The following TUBB4A variants were observed in gnomAD, a reference collection of about 807,000 sequenced individuals.
The protein encoded by TUBB4A is tubulin beta 4A class IVa, also known as tubulin beta-4A chain.
A neutral mutation model predicts 35.1 loss-of-function variants in TUBB4A; 13 were observed. The ratio of observed to expected loss-of-function variants is 0.37; its 90% CI spans 0.24 to 0.59. The LOEUF (loss-of-function observed/expected upper bound fraction) is 0.59. Among genes scored for constraint, TUBB4A ranks in the 20% least tolerant of loss-of-function variants. The pLI, the probability that TUBB4A is intolerant of heterozygous loss-of-function variation, is 0.71. For synonymous variants in TUBB4A, 279 were observed against 272.4 expected (o/e 1.02, Z -0.24); for missense variants, 299 against 647.2 (o/e 0.46, Z 5.84).
Position 6,501,230 on chromosome 19 carries a change from G to C in TUBB4A, c.277+57C>G. ...CCCCGGTGGTGGCTGTTGACTCTGT[G>C]GTGTTAGCAGGAATAAGGAGGTTTT... On this transcript the variant is annotated intron_variant, in intron 3 of 3. Transcript: ENST00000264071. This position sits in a 1 kb window ranked among gnomAD's most constrained non-coding sequence, Gnocchi z 4.2. The C allele has an allele frequency of 6.9e-7, 1 of 1,444,712 alleles. No homozygotes were observed. Among genetic ancestry groups the C allele is most frequent in the Admixed American group, 1.8e-5 (1 of 55,514 alleles). The allele number at this position is 1,444,712 out of a possible 1,614,324, so 89.5% of individuals were successfully genotyped here.
In TUBB4A at chr19:6,501,006, T is replaced by G. The variant is rs188638513; in HGVS notation, c.277+281A>C. On this transcript the variant is annotated intron_variant, in intron 3 of 3. Coordinates refer to ENST00000264071, the MANE Select transcript of TUBB4A (RefSeq NM_006087.4). This position sits in a 1 kb window ranked among gnomAD's most constrained non-coding sequence, Gnocchi z 4.2. Reference sequence around the variant, plus strand: ...TGTTGAATGCATGAAGTGGCAGAATTGGGATGTGCACCCAGGCAGTCTGGT... The same window carrying G: ...TGTTGAATGCATGAAGTGGCAGAATGGGGATGTGCACCCAGGCAGTCTGGT... 1.9e-5 allele frequency: 8 copies of G among 422,406 alleles called. No individual in the cohort carries two copies. The highest frequency in any genetic ancestry group is 1.6e-4 in the Admixed American group (4 of 25,082). The allele number at this position is 422,406 out of a possible 1,614,324, so 26.2% of individuals were successfully genotyped here. A position where few individuals can be genotyped will look rare whatever the true frequency, so the allele number is the denominator to read the frequency against.
intron 3 of TUBB4A, among the ~76,000 whole-genome samples, chr19:6,499,568 C>G (rs1392015784): frequency 3.3e-5 from 5 of 152,292 alleles, no homozygotes; most frequent in South Asian, 4.1e-4. Context: ...GCCAGGAAAG[C>G]TTTCCCGGAA....
rs1800719 is a variant in TUBB4A at position 6,494,529 on chromosome 19, G to C, written c.*635C>G. 6.5e-6 allele frequency: 1 copy of C among 154,766 alleles called. No homozygotes were observed. Among genetic ancestry groups the C allele is most frequent in the African/African-American group, 2.5e-5 (1 of 40,134 alleles). 9.6% of individuals were successfully genotyped at this position (154,766 alleles called of 1,614,324 possible). ...GGGGTCAGAGGTAGGAGCTGACGCTGTGGGGGGTGGGGGGTGAAAGGTGAG... is the reference window on the plus strand; with the variant it reads ...GGGGTCAGAGGTAGGAGCTGACGCTCTGGGGGGTGGGGGGTGAAAGGTGAG... On this transcript the variant is annotated 3_prime_UTR_variant, in exon 4 of 4. Transcript: ENST00000264071.
chr19:6,495,758 G>T lies in TUBB4A; in HGVS notation c.741C>A (p.Asn247Lys). 1 of 1,614,184 alleles carries T rather than the reference G, an allele frequency of 6.2e-7. No homozygotes were observed. Among genetic ancestry groups the T allele is most frequent in the Non-Finnish European group, 8.5e-7 (1 of 1,180,024 alleles). ...TTCLRFPGQL[N>K]ADLRKLAVNM... Reference sequence around the variant, plus strand: ...TGACGGCCAGCTTGCGCAGGTCGGCGTTCAGCTGGCCCGGGAAGCGCAGGC... The same window carrying T: ...TGACGGCCAGCTTGCGCAGGTCGGCTTTCAGCTGGCCCGGGAAGCGCAGGC... Residue 247 changes from asparagine (N) to lysine (K), a missense_variant, in exon 4 of 4, where the codon AAC becomes AAA. Physicochemically the swap from Asn to Lys is moderately conservative, Grantham distance 94. Transcript: ENST00000264071. This position sits in a 1 kb window ranked among gnomAD's most constrained non-coding sequence, Gnocchi z 8.7.
chr19:6,502,411 G>A (rs1041678695), upstream of TUBB4A: 1 of 585,086 alleles, frequency 1.7e-6, no homozygotes, highest in Admixed American at 4.2e-5. Flanking sequence ...GGATGATGGA[G>A]GGGGCTGGGG....
intron 1 of TUBB4A, 23 bp downstream of exon 1, chr19:6,502,133 C>T (rs1412436539): frequency 6.4e-7 from 1 of 1,552,500 alleles, no homozygotes; most frequent in Non-Finnish European, 8.6e-7. Flanking sequence ...CCACTGCCTC[C>T]CCGGGCCCCG....
intron 3 of TUBB4A, among the ~76,000 whole-genome samples, chr19:6,498,527 C>T (rs551057234): frequency 1.1e-4 from 16 of 152,332 alleles, no homozygotes; most frequent in Admixed American, 3.9e-4. Flanking sequence ...AAGGCCCTGC[C>T]GGACCTGCCC....
rs2064257778 is a variant in TUBB4A at position 6,501,770 on chromosome 19, G to C, written c.58-147C>G. The C allele has an allele frequency of 1.5e-6, 1 of 663,728 alleles. No homozygotes were observed. Among genetic ancestry groups the C allele is most frequent in the African/African-American group, 1.8e-5 (1 of 55,224 alleles). 41.1% of individuals were successfully genotyped at this position (663,728 alleles called of 1,614,324 possible). On this transcript the variant is annotated intron_variant, in intron 1 of 3. Coordinates refer to ENST00000264071, the MANE Select transcript of TUBB4A (RefSeq NM_006087.4). The surrounding 1 kb of genome is among the most constrained non-coding windows in gnomAD (Gnocchi z 4.2). ...ACCTAGAGGCATGGTGTCGGGGCGA[G>C]GATGAGGCAGCAAGAAGGAGCGGTG...
chr19:6,494,937 G>A lies in TUBB4A; in HGVS notation c.*227C>T. 1.6e-6 allele frequency: 1 copy of A among 610,590 alleles called. No homozygotes were observed. 37.8% of individuals were successfully genotyped at this position (610,590 alleles called of 1,614,324 possible). Reference sequence around the variant, plus strand: ...GTGAAGCGGGGCTCCTCCTGGGAATGTCAAGGTTGGAAGAGCTCAAGGGGG... The same window carrying A: ...GTGAAGCGGGGCTCCTCCTGGGAATATCAAGGTTGGAAGAGCTCAAGGGGG... On this transcript the variant is annotated 3_prime_UTR_variant, in exon 4 of 4. Transcript: ENST00000264071.
At chr19:6,500,456 GA>G (rs1322126351) in intron 3 of TUBB4A, among the ~76,000 whole-genome samples, 2 of 152,142 alleles carry the variant, frequency 1.3e-5, no homozygotes, top group Non-Finnish European at 2.9e-5. Context: ...TAAAGACGAG[GA>G]GGCCGGGCAA....
At position 6,501,998 on chromosome 19, in the gene TUBB4A, C is replaced by T. The variant is rs1405892337; in HGVS notation, c.57+158G>A. 6.6e-6 allele frequency among the ~76,000 whole-genome samples: 1 copy of T among 152,170 alleles called. No homozygotes were observed. Among genetic ancestry groups the T allele is most frequent in the African/African-American group, 2.4e-5 (1 of 41,444 alleles). ...GTTCCCAGTCTGGCCCTGCCACCCC[C>T]ACCCCGCGACCCTTCCCCCAAGGCC... On this transcript the variant is annotated intron_variant, in intron 1 of 3. Transcript: ENST00000264071. This position sits in a 1 kb window ranked among gnomAD's most constrained non-coding sequence, Gnocchi z 4.2.
intron 3 of TUBB4A, among the ~76,000 whole-genome samples, chr19:6,498,735 C>T (rs1914392461): frequency 6.6e-6 from 1 of 152,220 alleles, no homozygotes; most frequent in African/African-American, 2.4e-5. Context: ...GTCACCCCCT[C>T]CCTCCTCCTC....
intron 3 of TUBB4A, among the ~76,000 whole-genome samples, chr19:6,500,101 A>G (rs553409519): frequency 3.3e-5 from 5 of 151,808 alleles, no homozygotes; most frequent in Admixed American, 3.3e-4. Context: ...TGAGCCTCAC[A>G]ATTCTAATAG....
At chr19:6,496,632 A>AAATAATAATAAT (rs143972720) in intron 3 of TUBB4A, among the ~76,000 whole-genome samples, 91 of 143,448 alleles carry the variant, frequency 6.3e-4, no homozygotes, top group East Asian at 3.1e-3. Context: ...CTCCGTCTCA[A>AAATAATAATAAT]AATAATAATA....
At chr19:6,497,622 C>G (rs1360404589) in intron 3 of TUBB4A, among the ~76,000 whole-genome samples, 1 of 151,798 alleles carries the variant, frequency 6.6e-6, no homozygotes, top group East Asian at 1.9e-4. Context: ...AATGCAAGCT[C>G]CCGGAGGAAA....
chr19:6,495,917 C>T lies in TUBB4A; in HGVS notation c.582G>A (p.Glu194=), dbSNP rs776475401. 2.5e-6 allele frequency: 4 copies of T among 1,614,122 alleles called. No homozygotes were observed. Among genetic ancestry groups the T allele is most frequent in the African/African-American group, 1.3e-5 (1 of 74,936 alleles). ...NATLSVHQLV[E]NTDETYCIDN... is the part of the protein sequence containing the mutation. ...CGATGCAGTAGGTCTCATCCGTATT[C>T]TCCACCAGCTGGTGCACAGACAGCG... Residue 194 remains glutamate (E), a synonymous_variant, in exon 4 of 4, where the codon GAG becomes GAA. Coordinates refer to ENST00000264071, the MANE Select transcript of TUBB4A (RefSeq NM_006087.4). This position sits in a 1 kb window ranked among gnomAD's most constrained non-coding sequence, Gnocchi z 8.7.
Position 6,495,541 on chromosome 19 carries a change from G to A in TUBB4A, c.958C>T (p.Arg320Cys), listed in dbSNP as rs1914108021. The A allele has an allele frequency of 3.1e-6, 5 of 1,614,142 alleles. No homozygotes were observed. Among genetic ancestry groups the A allele is most frequent in the Admixed American group, 1.7e-5 (1 of 60,018 alleles). ...TCGTCCACCTCCTTCATGGACATGC[G>A]GCCCCGGAACACGGCGGCCACGGTC... ...YLTVAAVFRG[R>C]MSMKEVDEQM... The change falls in exon 4 of 4, where the codon CGC becomes TGC. Residue 320 changes from arginine (R) to cysteine (C), a missense_variant. Physicochemically the swap from Arg to Cys is radical, Grantham distance 180. This residue lies in a region of TUBB4A where 125 missense variants were observed against 279.1 expected (regional missense o/e 0.45). Transcript: ENST00000264071. This position sits in a 1 kb window ranked among gnomAD's most constrained non-coding sequence, Gnocchi z 8.7.
At chr19:6,502,121 C>T (rs746207976) in intron 1 of TUBB4A, 35 bp downstream of exon 1, 11 of 1,536,496 alleles carry the variant, frequency 7.2e-6, no homozygotes, top group African/African-American at 2.8e-5. Flanking sequence ...TCCCCGGGGC[C>T]GCCACTGCCT....
rs957223988 is a variant in TUBB4A at position 6,501,170 on chromosome 19, C to T, written c.277+117G>A. The T allele has an allele frequency of 7.9e-5, 62 of 782,192 alleles. No individual in the cohort carries two copies. Among genetic ancestry groups the T allele is most frequent in the Non-Finnish European group, 2.1e-6 (1 of 486,610 alleles). 48.5% of individuals were successfully genotyped at this position (782,192 alleles called of 1,614,324 possible). A position where few individuals can be genotyped will look rare whatever the true frequency, so the allele number is the denominator to read the frequency against. ...ACAGCCCTGGATGCAGGGCTGGTGC[C>T]TGGTGCCCTGTCCACCCCATCTCTG... On this transcript the variant is annotated intron_variant, in intron 3 of 3. Transcript: ENST00000264071. This position sits in a 1 kb window ranked among gnomAD's most constrained non-coding sequence, Gnocchi z 4.2.
Sources: allele counts gnomAD v4.1 joint callset (sites outside exome capture counted in the v4.1 genomes callset), GRCh38; gene constraint gnomAD v4.1.1; regional missense constraint gnomAD v4.1.1; non-coding constraint Gnocchi (gnomAD v3.1); transcripts MANE v1.5; gene names NCBI Gene and HGNC (gene_info 2026-07-23, HGNC 2026-07-21).